Variants in RNF212B observed in about 807,000 individuals in gnomAD.
RNF212B encodes the protein E3 ubiquitin-protein ligase RNF212B.
RNF212B carries 52 observed loss-of-function variants against 55.5 expected under a neutral mutation model. The ratio of observed to expected loss-of-function variants is 0.94; its 90% CI spans 0.75 to 1.18. RNF212B has a LOEUF of 1.18. Among genes scored for constraint, RNF212B ranks in the 50% most tolerant of loss-of-function variants. The pLI, the probability that RNF212B is intolerant of heterozygous loss-of-function variation, is 0.00. For synonymous variants in RNF212B, 99 were observed against 121.4 expected, an observed-to-expected ratio of 0.82 and a Z score of 1.21; for missense variants, 289 against 350.4, an observed-to-expected ratio of 0.82 and a Z score of 1.40.
intron 11 of RNF212B, among the ~76,000 whole-genome samples, chr14:23,266,412 T>TTTTTTTTTTTTTTTTTTTTG (rs1885702042): frequency 7.4e-6 from 1 of 135,628 alleles, no homozygotes; most frequent in Admixed American, 7.4e-5. Context: ...ATGTTTTTTT[T>TTTTTTTTTTTTTTTTTTTTG]TTTTTTTTTT....
At chr14:23,185,666 G>A (rs1399132703) in intron 1 of RNF212B, among the ~76,000 whole-genome samples, 1 of 152,212 alleles carries the variant, frequency 6.6e-6, no homozygotes, top group African/African-American at 2.4e-5. Context: ...GGGGTTATGG[G>A]ATCAAATACG....
At chr14:23,232,929 C>G (rs973551322) in intron 2 of RNF212B, among the ~76,000 whole-genome samples, 2 of 151,850 alleles carry the variant, frequency 1.3e-5, no homozygotes, top group Non-Finnish European at 2.9e-5. Flanking sequence ...TCATTGAGAA[C>G]GGGCCATGAT....
chr14:23,227,499 G>A (rs1240112867), intron 2 of RNF212B, among the ~76,000 whole-genome samples: 1 of 152,048 alleles, frequency 6.6e-6, no homozygotes, highest in Non-Finnish European at 1.5e-5. Flanking sequence ...AGCTATGTGT[G>A]CAAGAAATAG....
At chr14:23,238,776 T>TC (rs201183501) in intron 1 of RNF212B, among the ~76,000 whole-genome samples, 9,389 of 147,114 alleles carry the variant, frequency 0.064, 391 homozygotes, top group Middle Eastern at 0.092. Flanking sequence ...ATAATAATAA[T>TC]AATAATCCCA....
At chr14:23,238,349 G>A (rs1038552482) in intron 1 of RNF212B, among the ~76,000 whole-genome samples, 6 of 152,088 alleles carry the variant, frequency 3.9e-5, no homozygotes, top group Non-Finnish European at 5.9e-5. Context: ...TGTGGGATGC[G>A]TTTGCGTTGA....
chr14:23,223,193 C>T (rs186526780), intron 2 of RNF212B, among the ~76,000 whole-genome samples: 19 of 152,172 alleles, frequency 1.2e-4, no homozygotes, highest in Non-Finnish European at 2.4e-4. Context: ...ACCATATGAT[C>T]ATTTCAATTG....
intron 2 of RNF212B, among the ~76,000 whole-genome samples, chr14:23,220,381 A>C (rs897057733): frequency 1.3e-5 from 2 of 152,076 alleles, no homozygotes; most frequent in Admixed American, 6.6e-5. Context: ...AAAATACAAA[A>C]GTTAGCTGGG....
At chr14:23,207,769 C>T (rs1879988797) in intron 2 of RNF212B, among the ~76,000 whole-genome samples, 1 of 152,196 alleles carries the variant, frequency 6.6e-6, no homozygotes, top group Non-Finnish European at 1.5e-5. Context: ...GACACAGCCT[C>T]AGGAAGTCCT....
intron 4 of RNF212B, among the ~76,000 whole-genome samples, chr14:23,257,164 A>T (rs116353153): frequency 0.1 from 15,595 of 151,992 alleles, 865 homozygotes; most frequent in African/African-American, 0.12. Flanking sequence ...CACACACAAA[A>T]AAAATAAAAT....
At chr14:23,190,781 C>T (rs901766852) in intron 1 of RNF212B, among the ~76,000 whole-genome samples, 8 of 152,236 alleles carry the variant, frequency 5.3e-5, no homozygotes, top group African/African-American at 1.4e-4. Flanking sequence ...AACCCTCCAA[C>T]GCTGCCTGTC....
intron 2 of RNF212B, among the ~76,000 whole-genome samples, chr14:23,218,026 T>C (rs749952228): frequency 3.9e-5 from 6 of 152,092 alleles, no homozygotes; most frequent in Non-Finnish European, 7.4e-5. Context: ...TAGATACATT[T>C]AACAAAGAGA....
intron 2 of RNF212B, among the ~76,000 whole-genome samples, chr14:23,208,303 A>T (rs901013278): frequency 2.6e-5 from 4 of 152,190 alleles, no homozygotes; most frequent in Non-Finnish European, 5.9e-5. Flanking sequence ...ACTGGAGGCC[A>T]GGAGTTTGAG....
At chr14:23,272,747 C>T (rs1886200286) in intron 14 of RNF212B, 76 bp from the exon 15 acceptor site, 3 of 891,174 alleles carry the variant, frequency 3.4e-6, no homozygotes, top group African/African-American at 1.7e-5. Context: ...AAGCTTCATA[C>T]AACAGGTCAG....
At chr14:23,196,190 G>A (rs1014314615) in intron 2 of RNF212B, among the ~76,000 whole-genome samples, 7 of 152,140 alleles carry the variant, frequency 4.6e-5, no homozygotes, top group Non-Finnish European at 8.8e-5. Flanking sequence ...CCATGGAAAA[G>A]TGCCTTTTAC....
intron 2 of RNF212B, among the ~76,000 whole-genome samples, chr14:23,232,287 C>T (rs1477453124): frequency 3.3e-5 from 5 of 151,710 alleles, no homozygotes; most frequent in African/African-American, 4.8e-5. Flanking sequence ...CGCCTCTGCC[C>T]GGCCGCAACC....
chr14:23,237,745 A>G (rs1883218754), upstream of RNF212B, among the ~76,000 whole-genome samples: 1 of 152,084 alleles, frequency 6.6e-6, no homozygotes, highest in Admixed American at 6.5e-5. Context: ...CTTTTAAGTG[A>G]GGTGAATTTT....
chr14:23,199,718 AAAC>A (rs1199244893), intron 2 of RNF212B, among the ~76,000 whole-genome samples: 3 of 152,114 alleles, frequency 2.0e-5, no homozygotes, highest in Non-Finnish European at 2.9e-5. Context: ...AAGGGAGAAA[AAAC>A]AACAACAAAC....
At chr14:23,243,715 A>AAG (rs1883778013) in intron 3 of RNF212B, among the ~76,000 whole-genome samples, 2 of 138,954 alleles carry the variant, frequency 1.4e-5, no homozygotes, top group African/African-American at 5.8e-5. Context: ...AAAAAAAAAA[A>AAG]AAAAGCAAGC....
chr14:23,226,809 C>CT (rs201704825), intron 2 of RNF212B, among the ~76,000 whole-genome samples: 49 of 27,850 alleles, frequency 1.8e-3, no homozygotes, highest in African/African-American at 9.5e-3. Flanking sequence ...CTTTCTTCTT[C>CT]TTCTTTTTTT....
Sources: allele counts gnomAD v4.1 joint callset (sites outside exome capture counted in the v4.1 genomes callset), GRCh38; gene constraint gnomAD v4.1.1; transcripts MANE v1.5; gene names NCBI Gene and HGNC (gene_info 2026-07-23, HGNC 2026-07-21).